TARBP2: variants seen among roughly 807,000 people sequenced by gnomAD.
The protein encoded by TARBP2 is TARBP2 subunit of RISC loading complex, also known as RISC-loading complex subunit TARBP2.
Under a neutral mutation model 40.4 loss-of-function variants are expected in TARBP2, and 23 were observed. That is an observed-to-expected ratio of 0.57 (90% CI 0.41 to 0.81). The LOEUF (loss-of-function observed/expected upper bound fraction) is 0.81. Ranked by LOEUF, TARBP2 falls within the 30% of genes least tolerant of loss-of-function variation. The pLI is 0.00. For synonymous variants in TARBP2, 183 were observed against 190.5 expected (o/e 0.96, Z 0.32); for missense variants, 358 against 473.7 (o/e 0.76, Z 2.27).
At chr12:53,501,108 G>A (rs898279949), upstream of TARBP2, 6 of 469,140 alleles carry the variant, frequency 1.3e-5, no homozygotes, top group East Asian at 4.0e-5. Flanking sequence ...GAGGCGGGAC[G>A]GTATTACAAA....
Position 53,501,382 on chromosome 12 carries a change from G to C in TARBP2, c.-27G>C. 6.4e-7 allele frequency: 1 copy of C among 1,555,914 alleles called. No homozygotes were observed. Among genetic ancestry groups the C allele is most frequent in the Non-Finnish European group, 8.7e-7 (1 of 1,149,600 alleles). The stretch of plus-strand genomic sequence containing the variant: ...GGGGCGCGTGGAGGCTGCAGTCACG[G>C]TGGCGCCCGCGGGGACGGAGGAGGG... On this transcript the variant is annotated 5_prime_UTR_variant, in exon 1 of 9. Coordinates refer to ENST00000266987, the MANE Select transcript of TARBP2 (RefSeq NM_134323.2).
upstream of TARBP2, chr12:53,501,244 A>T: frequency 1.4e-6 from 1 of 705,458 alleles, no homozygotes; most frequent in Non-Finnish European, 2.4e-6. Context: ...CTCCAGATGG[A>T]GGCTCACGAA....
intron 1 of TARBP2, 93 bp from the exon 2 acceptor site, chr12:53,501,922 C>T: frequency 1.3e-6 from 2 of 1,525,626 alleles, no homozygotes; most frequent in Middle Eastern, 2.3e-4. Flanking sequence ...GACCCTATGT[C>T]CCCCATAATG....
intron 2 of TARBP2, 98 bp from the exon 3 acceptor site, chr12:53,502,929 A>G (rs1592734955): frequency 7.6e-7 from 1 of 1,320,826 alleles, no homozygotes; most frequent in East Asian, 2.8e-5. Flanking sequence ...AAGGGGCTTG[A>G]TTGATTCCCT....
Position 53,503,643 on chromosome 12 carries a change from C to T in TARBP2, c.327-70C>T, listed in dbSNP as rs533987393. On this transcript the variant is annotated intron_variant, in intron 3 of 8. Coordinates refer to ENST00000266987, the MANE Select transcript of TARBP2 (RefSeq NM_134323.2). ...TTAGGGGATTGGGAGGTCAGGAGGA[C>T]GTGGGTCCCCCACCCCTCTCTTCCC... 3.2e-4 allele frequency: 371 copies of T among 1,141,920 alleles called. 3 individuals carry two copies. In the Middle Eastern group the frequency reaches 4.3e-3, roughly 13 times the overall value. The allele number at this position is 1,141,920 out of a possible 1,614,324, so 70.7% of individuals were successfully genotyped here. A position where few individuals can be genotyped will look rare whatever the true frequency, so the allele number is the denominator to read the frequency against.
In TARBP2 at chr12:53,503,295, T is replaced by A. The variant is rs1044870592; in HGVS notation, c.326+166T>A. ...GGGTTTTCCAGGGCTTCTGCTGCTA[T>A]GAAGAATTCTTGGGGTGGAGGGGTT... is the stretch of plus-strand genomic sequence containing the variant. On this transcript the variant is annotated intron_variant, in intron 3 of 8. Coordinates refer to ENST00000266987, the MANE Select transcript of TARBP2 (RefSeq NM_134323.2). The A allele has an allele frequency of 5.5e-5, 76 of 1,388,190 alleles. 2 individuals are homozygous for A. In the South Asian group the frequency reaches 1.1e-3, roughly 20 times the overall value. 86.0% of individuals were successfully genotyped at this position (1,388,190 alleles called of 1,614,324 possible).
chr12:53,501,470 T>A lies in TARBP2; in HGVS notation c.53+9T>A. On this transcript the variant is annotated intron_variant, in intron 1 of 8. Transcript: ENST00000266987. ...GGCTGCGGGCTGCCTAGGTGAGCCG[T>A]CTCGTACCGATTCCTTCAGGGCGAA... 1 of 1,563,354 alleles carries A rather than the reference T, an allele frequency of 6.4e-7. No individual in the cohort carries two copies. The highest frequency in any genetic ancestry group is 8.7e-7 in the Non-Finnish European group (1 of 1,153,678).
chr12:53,502,256 C>G, intron 2 of TARBP2, 72 bp downstream of exon 2: 2 of 1,553,950 alleles, frequency 1.3e-6, no homozygotes, highest in South Asian at 1.2e-5. Flanking sequence ...CTTGGAGTCT[C>G]TCTCTTCACA....
rs781605896 is a variant in TARBP2, at chr12:53,505,004, C to T, written c.614-131C>T. 5.7e-5 allele frequency: 84 copies of T among 1,484,330 alleles called. No homozygotes were observed. The Middle Eastern group carries it at 9.0e-4, about 16-fold the overall frequency. The allele number at this position is 1,484,330 out of a possible 1,614,324, so 91.9% of individuals were successfully genotyped here. On this transcript the variant is annotated intron_variant, in intron 6 of 8. Transcript: ENST00000266987. The surrounding 1 kb of genome is among the most constrained non-coding windows in gnomAD (Gnocchi z 4.5). ...TTCTCTCTGGCTGACCAGGTTCTCA[C>T]GTGCATGGGCAGGTCTTGAGTTCCC... is the stretch of plus-strand genomic sequence containing the variant.
chr12:53,501,584 G>A, intron 1 of TARBP2, 123 bp downstream of exon 1: 1 of 1,495,918 alleles, frequency 6.7e-7, no homozygotes, highest in South Asian at 1.3e-5. Context: ...GGGGCAGTGG[G>A]CAGTGGTTCC....
At position 53,506,234 on chromosome 12, in the gene TARBP2, C is replaced by A. The variant is rs1943981785; in HGVS notation, c.*86C>A. The A allele has an allele frequency of 1.3e-6, 2 of 1,483,696 alleles. No homozygotes were observed. Among genetic ancestry groups the A allele is most frequent in the African/African-American group, 2.8e-5 (2 of 72,204 alleles). The allele number at this position is 1,483,696 out of a possible 1,614,324, so 91.9% of individuals were successfully genotyped here. A position where few individuals can be genotyped will look rare whatever the true frequency, so the allele number is the denominator to read the frequency against. On this transcript the variant is annotated 3_prime_UTR_variant, in exon 9 of 9. Coordinates refer to ENST00000266987, the MANE Select transcript of TARBP2 (RefSeq NM_134323.2). Reference sequence around the variant, plus strand: ...CATGTATCTGCGCAGCTCTGGTACCCTCTGTGGGTGCCATCTCTACCTCTG... The same window carrying A: ...CATGTATCTGCGCAGCTCTGGTACCATCTGTGGGTGCCATCTCTACCTCTG...
At chr12:53,503,561 G>C in intron 3 of TARBP2, 152 bp from the exon 4 acceptor site, 2 of 632,006 alleles carry the variant, frequency 3.2e-6, no homozygotes, top group Non-Finnish European at 2.8e-6. Context: ...CAAAGGATCC[G>C]AGGAGGAAGC....
In TARBP2 at chr12:53,505,746, G is replaced by T. The variant is rs753986429; in HGVS notation, c.839G>T (p.Arg280Leu). Reference sequence around the variant, plus strand: ...GTAGGAGAGAAGATCCTGTCCCTCCGCAGTTGCTCCCTGGGCTCCCTGGGT... The same window carrying T: ...GTAGGAGAGAAGATCCTGTCCCTCCTCAGTTGCTCCCTGGGCTCCCTGGGT... ...NSVGEKILSL[R>L]SCSLGSLGAL... Residue 280 changes from arginine to leucine, a missense_variant, in exon 8 of 9, where the codon CGC becomes CTC. Arg to Leu is a moderately radical substitution (Grantham distance 102). This residue lies in a region of TARBP2 where 317 missense variants were observed against 422.9 expected (regional missense o/e 0.75). Transcript: ENST00000266987. The surrounding 1 kb of genome is among the most constrained non-coding windows in gnomAD (Gnocchi z 4.5). 6.2e-7 allele frequency: 1 copy of T among 1,613,884 alleles called. No homozygotes were observed. Among genetic ancestry groups the T allele is most frequent in the Admixed American group, 1.7e-5 (1 of 59,992 alleles).
chr12:53,505,712 C>A lies in TARBP2; in HGVS notation c.805C>A (p.Arg269=). ...CCCAGGTTGCACCTGGGATTCTCTA[C>A]GAAATTCAGTAGGAGAGAAGATCCT... ...RGPGCTWDSL[R]NSVGEKILSL... is the part of the protein sequence containing the mutation. Residue 269 remains arginine (R), a synonymous_variant, in exon 8 of 9, where the codon CGA becomes AGA. Transcript: ENST00000266987. This position sits in a 1 kb window ranked among gnomAD's most constrained non-coding sequence, Gnocchi z 4.5. 2 of 1,614,124 alleles carry A rather than the reference C, an allele frequency of 1.2e-6. No individual in the cohort carries two copies. Among genetic ancestry groups the A allele is most frequent in the South Asian group, 2.2e-5 (2 of 91,084 alleles).
rs972079980 is a variant in TARBP2 at position 53,501,307 on chromosome 12, C to T, written c.-102C>T. 8.0e-6 allele frequency: 11 copies of T among 1,378,608 alleles called. No homozygotes were observed. The highest frequency in any genetic ancestry group is 2.2e-4 in the Middle Eastern group (1 of 4,562). The allele number at this position is 1,378,608 out of a possible 1,614,324, so 85.4% of individuals were successfully genotyped here. A position where few individuals can be genotyped will look rare whatever the true frequency, so the allele number is the denominator to read the frequency against. On this transcript the variant is annotated 5_prime_UTR_variant, in exon 1 of 9. Transcript: ENST00000266987. ...CAGCGTGCCCCGCGGCGGGCCCTAC[C>T]GGCCGCGACTCCGGGCTTGGCCCCG...
At chr12:53,502,859 G>T in intron 2 of TARBP2, 168 bp from the exon 3 acceptor site, 1 of 615,506 alleles carries the variant, frequency 1.6e-6, no homozygotes, top group Non-Finnish European at 2.6e-6. Flanking sequence ...AAAGATAAGG[G>T]CTCTTCCTTC....
At position 53,505,074 on chromosome 12, in the gene TARBP2, C is replaced by G. The variant is rs1156493205; in HGVS notation, c.614-61C>G. The G allele has an allele frequency of 7.1e-6, 11 of 1,551,082 alleles. No homozygotes were observed. In the East Asian group the frequency reaches 2.5e-4, roughly 35 times the overall value. On this transcript the variant is annotated intron_variant, in intron 6 of 8. Coordinates refer to ENST00000266987, the MANE Select transcript of TARBP2 (RefSeq NM_134323.2). The surrounding 1 kb of genome is among the most constrained non-coding windows in gnomAD (Gnocchi z 4.5). Reference sequence around the variant, plus strand: ...GGGGGACCCTCAATCCAAGTATGACCTGGGTGGAAGCACTGGGTCTGTGGG... The same window carrying G: ...GGGGGACCCTCAATCCAAGTATGACGTGGGTGGAAGCACTGGGTCTGTGGG...
At chr12:53,501,888 T>G in intron 1 of TARBP2, 127 bp from the exon 2 acceptor site, 1 of 1,435,778 alleles carries the variant, frequency 7.0e-7, no homozygotes, top group Non-Finnish European at 9.4e-7. Flanking sequence ...AGCCAATGGA[T>G]GCTAGACTGT....
Position 53,505,958 on chromosome 12 carries a change from A to G in TARBP2, c.944-33A>G. On this transcript the variant is annotated intron_variant, in intron 8 of 8. Transcript: ENST00000266987. This position sits in a 1 kb window ranked among gnomAD's most constrained non-coding sequence, Gnocchi z 4.5. Reference sequence around the variant, plus strand: ...ACCCCTCCCCAGGGCTACCTCCCCCAACATTGCCTCCCTCCTCTCTCTTGC... The same window carrying G: ...ACCCCTCCCCAGGGCTACCTCCCCCGACATTGCCTCCCTCCTCTCTCTTGC... The G allele has an allele frequency of 6.2e-7, 1 of 1,607,384 alleles. No homozygotes were observed. The highest frequency in any genetic ancestry group is 1.7e-5 in the Admixed American group (1 of 59,870).
Sources: allele counts gnomAD v4.1 joint callset, GRCh38; gene constraint gnomAD v4.1.1; regional missense constraint gnomAD v4.1.1; non-coding constraint Gnocchi (gnomAD v3.1); transcripts MANE v1.5; gene names NCBI Gene and HGNC (gene_info 2026-07-23, HGNC 2026-07-21).